Variants in CHL1 observed in about 807,000 individuals in gnomAD.
CHL1 encodes cell adhesion molecule L1 like, also known as neural cell adhesion molecule L1-like protein.
CHL1 carries 96 observed loss-of-function variants against 141.9 expected under a neutral mutation model. The observed-to-expected ratio is 0.68, with a 90% CI of 0.57 to 0.80. The LOEUF is 0.80. Ranked by LOEUF, CHL1 falls within the 30% of genes least tolerant of loss-of-function variation. The probability of loss-of-function intolerance (pLI) is 0.00; values close to 1 mark genes in which losing one functional copy is unlikely to be tolerated. For missense variants in CHL1, 1,820 were observed against 1,457.2 expected, an observed-to-expected ratio of 1.25 and a Z score of -4.05; for synonymous variants, 613 against 502.2, an observed-to-expected ratio of 1.22 and a Z score of -2.95.
intron 1 of CHL1, among the ~76,000 whole-genome samples, chr3:228,636 A>G (rs1299628712): frequency 6.6e-6 from 1 of 152,230 alleles, no homozygotes; most frequent in Non-Finnish European, 1.5e-5. Flanking sequence ...CACATGGTAT[A>G]GAGTGTGTTA....
intron 2 of CHL1, among the ~76,000 whole-genome samples, chr3:280,981 A>C (rs1696595464): frequency 6.6e-6 from 1 of 152,120 alleles, no homozygotes; most frequent in African/African-American, 2.4e-5. Context: ...TAATGATATC[A>C]CATTTTCTAA....
At chr3:239,160 C>T (rs1692295067) in intron 1 of CHL1, among the ~76,000 whole-genome samples, 1 of 152,136 alleles carries the variant, frequency 6.6e-6, no homozygotes, top group Non-Finnish European at 1.5e-5. Context: ...TGGACATCAT[C>T]AATCAGAACA....
chr3:347,389 A>T (rs531552963), intron 9 of CHL1, among the ~76,000 whole-genome samples: 149 of 152,300 alleles, frequency 9.8e-4, no homozygotes, highest in African/African-American at 2.6e-3. Context: ...ATTTAAATTT[A>T]AAAAAAGGCA....
chr3:378,249 TC>T (rs1036115994), intron 16 of CHL1, among the ~76,000 whole-genome samples: 21 of 152,158 alleles, frequency 1.4e-4, no homozygotes, highest in Non-Finnish European at 2.9e-4. Flanking sequence ...AGCTACTCTT[TC>T]CTGGTGTACA....
At chr3:376,302 G>C (rs774290253) in intron 15 of CHL1, 1 of 478,088 alleles carries the variant, frequency 2.1e-6, no homozygotes, top group Non-Finnish European at 4.1e-6. Flanking sequence ...AACTATTTGT[G>C]ATTTTGACAT....
intron 5 of CHL1, among the ~76,000 whole-genome samples, chr3:336,939 G>C (rs919340482): frequency 2.6e-5 from 4 of 152,052 alleles, no homozygotes; most frequent in African/African-American, 9.7e-5. Context: ...ATTTCAACTG[G>C]GGAAGTTTTC....
intron 13 of CHL1, among the ~76,000 whole-genome samples, chr3:362,325 A>C (rs531926249): frequency 3.0e-4 from 45 of 152,278 alleles, no homozygotes; most frequent in African/African-American, 1.0e-3. Flanking sequence ...GCTTGGTTAA[A>C]TAGTTCTTGA....
At chr3:230,792 A>G (rs1235286618) in intron 1 of CHL1, among the ~76,000 whole-genome samples, 1 of 152,148 alleles carries the variant, frequency 6.6e-6, no homozygotes, top group Non-Finnish European at 1.5e-5. Context: ...CTACTAAGCA[A>G]TTACACTAGA....
intron 2 of CHL1, among the ~76,000 whole-genome samples, chr3:279,449 CA>C (rs1475497093): frequency 6.6e-6 from 1 of 152,112 alleles, no homozygotes; most frequent in Non-Finnish European, 1.5e-5. Context: ...TCATATACAG[CA>C]AAGAACAAAG....
chr3:228,478 T>TACACACAC (rs4003420), intron 1 of CHL1, among the ~76,000 whole-genome samples: 28 of 150,246 alleles, frequency 1.9e-4, no homozygotes, highest in African/African-American at 6.8e-4. Context: ...TAAATATGTG[T>TACACACAC]ACACACACAC....
intron 2 of CHL1, among the ~76,000 whole-genome samples, chr3:299,677 TG>T (rs1304324845): frequency 6.6e-6 from 1 of 152,152 alleles, no homozygotes; most frequent in African/African-American, 2.4e-5. Context: ...ACTCTCTTAC[TG>T]CAAACCCATC....
intron 2 of CHL1, among the ~76,000 whole-genome samples, chr3:272,444 C>A (rs1264618363): frequency 6.6e-6 from 1 of 152,152 alleles, no homozygotes; most frequent in Non-Finnish European, 1.5e-5. Flanking sequence ...TTCAGGAAGG[C>A]AAACTGCATT....
intron 2 of CHL1, among the ~76,000 whole-genome samples, chr3:263,440 C>T (rs75508875): frequency 1.3e-5 from 2 of 152,088 alleles, no homozygotes; most frequent in Admixed American, 6.6e-5. Context: ...CCTTGTGACA[C>T]GTTTCTTATT....
At chr3:350,103 G>T (rs1409197509) in intron 10 of CHL1, among the ~76,000 whole-genome samples, 1 of 151,946 alleles carries the variant, frequency 6.6e-6, no homozygotes, top group Non-Finnish European at 1.5e-5. Context: ...GTTACTTACA[G>T]GCAAAAAAGA....
At chr3:370,467 T>A (rs952333111) in intron 15 of CHL1, among the ~76,000 whole-genome samples, 1 of 152,052 alleles carries the variant, frequency 6.6e-6, no homozygotes, top group East Asian at 1.9e-4. Flanking sequence ...TTTTATTGTG[T>A]CTATTTGATA....
chr3:274,219 A>G (rs1483811610), intron 2 of CHL1, among the ~76,000 whole-genome samples: 1 of 152,212 alleles, frequency 6.6e-6, no homozygotes, highest in African/African-American at 2.4e-5. Flanking sequence ...ACTTCATGAC[A>G]GTCACCATCT....
chr3:374,433 C>T (rs1245796508), intron 15 of CHL1, among the ~76,000 whole-genome samples: 1 of 152,132 alleles, frequency 6.6e-6, no homozygotes, highest in East Asian at 1.9e-4. Context: ...TTCCATGTGA[C>T]CTCTGGGCTA....
At chr3:403,799 A>G (rs953061453) in intron 27 of CHL1, among the ~76,000 whole-genome samples, 1 of 152,140 alleles carries the variant, frequency 6.6e-6, no homozygotes, top group African/African-American at 2.4e-5. Flanking sequence ...ATAATTGTCT[A>G]CTTTCCACAT....
chr3:258,897 A>G (rs937071841), intron 2 of CHL1, among the ~76,000 whole-genome samples: 4 of 149,378 alleles, frequency 2.7e-5, no homozygotes, highest in African/African-American at 9.8e-5. Flanking sequence ...AGGTACTACA[A>G]TTATCACACA....
Sources: allele counts gnomAD v4.1 joint callset (sites outside exome capture counted in the v4.1 genomes callset), GRCh38; gene constraint gnomAD v4.1.1; transcripts MANE v1.5; gene names NCBI Gene and HGNC (gene_info 2026-07-23, HGNC 2026-07-21).